Variants in BLK observed in about 807,000 individuals in gnomAD.
The protein encoded by BLK is tyrosine-protein kinase Blk.
Under a neutral mutation model 61.8 loss-of-function variants are expected in BLK, and 64 were observed. The observed-to-expected ratio is 1.03, with a 90% confidence interval of 0.85 to 1.27. BLK has a LOEUF of 1.27. Ranked by LOEUF, BLK falls within the 50% of genes most tolerant of loss-of-function variation. The probability of loss-of-function intolerance (pLI) is 0.00; values close to 1 mark genes in which losing one functional copy is unlikely to be tolerated. For synonymous variants in BLK, 351 were observed against 272.0 expected (o/e 1.29, Z -2.86); for missense variants, 853 against 660.5 (o/e 1.29, Z -3.19).
At chr8:11,521,460 C>A (rs1799443224) in intron 1 of BLK, among the ~76,000 whole-genome samples, 1 of 152,036 alleles carries the variant, frequency 6.6e-6, no homozygotes, top group Non-Finnish European at 1.5e-5. Flanking sequence ...CCAGCTAATT[C>A]TTCTAATTTT....
rs1345712441 is a variant in BLK, at chr8:11,494,445, C to T, written c.-148C>T. 1.3e-5 allele frequency: 2 copies of T among 152,260 alleles called. No individual in the cohort carries two copies. The highest frequency in any genetic ancestry group is 2.9e-5 in the Non-Finnish European group (2 of 68,092). The allele number at this position is 152,260 out of a possible 1,614,324, so 9.4% of individuals were successfully genotyped here. On this transcript the variant is annotated 5_prime_UTR_variant, in exon 1 of 13. Coordinates refer to ENST00000259089, the MANE Select transcript of BLK (RefSeq NM_001715.3). The stretch of plus-strand genomic sequence containing the variant: ...GGCAGAAAGCCACAAGCCATGAAAA[C>T]TGATTGAGATGAGAAGAATTCATCT...
intron 1 of BLK, among the ~76,000 whole-genome samples, chr8:11,512,153 A>G (rs1799035708): frequency 6.6e-6 from 1 of 152,232 alleles, no homozygotes; most frequent in Admixed American, 6.5e-5. Context: ...CGCAAGTTCT[A>G]TGCTACTGGT....
chr8:11,559,833 A>G (rs1298876201), intron 10 of BLK: 2 of 456,162 alleles, frequency 4.4e-6, no homozygotes, highest in South Asian at 3.1e-5. Flanking sequence ...TGTCATTTCT[A>G]TGAAGGTTTC....
chr8:11,510,496 T>G (rs1397407876), intron 1 of BLK, among the ~76,000 whole-genome samples: 1 of 152,148 alleles, frequency 6.6e-6, no homozygotes, highest in Non-Finnish European at 1.5e-5. Context: ...GTCCTGAAGC[T>G]GAGCACAAAA....
intron 1 of BLK, among the ~76,000 whole-genome samples, chr8:11,523,082 A>G (rs1168029829): frequency 6.6e-6 from 1 of 152,206 alleles, no homozygotes; most frequent in Admixed American, 6.5e-5. Context: ...TAAAATATTC[A>G]TAGCTAGTGG....
At chr8:11,528,878 A>G (rs767704614) in intron 1 of BLK, among the ~76,000 whole-genome samples, 7 of 152,174 alleles carry the variant, frequency 4.6e-5, no homozygotes, top group Admixed American at 6.5e-5. Context: ...TATGTTCTCA[A>G]TTATAAGTGG....
chr8:11,494,835 A>C (rs1798305847), intron 1 of BLK, among the ~76,000 whole-genome samples: 1 of 152,238 alleles, frequency 6.6e-6, no homozygotes, highest in African/African-American at 2.4e-5. Context: ...GCTTTTTGGA[A>C]AAGGCAGTGA....
chr8:11,526,716 C>T (rs1339919374), intron 1 of BLK, among the ~76,000 whole-genome samples: 1 of 152,034 alleles, frequency 6.6e-6, no homozygotes, highest in African/African-American at 2.4e-5. Flanking sequence ...AAGACTCTGT[C>T]TCAAAAAAAC....
intron 1 of BLK, among the ~76,000 whole-genome samples, chr8:11,511,647 C>T (rs1799011855): frequency 6.6e-6 from 1 of 152,154 alleles, no homozygotes; most frequent in South Asian, 2.1e-4. Flanking sequence ...CTAGGTTTCC[C>T]ACTTATTATT....
At chr8:11,544,201 G>A (rs1800515959) in intron 2 of BLK, among the ~76,000 whole-genome samples, 1 of 152,170 alleles carries the variant, frequency 6.6e-6, no homozygotes, top group African/African-American at 2.4e-5. Flanking sequence ...CTGACCTCAG[G>A]TGATCCACCT....
chr8:11,516,400 C>G (rs188190120), intron 1 of BLK, among the ~76,000 whole-genome samples: 69 of 152,350 alleles, frequency 4.5e-4, no homozygotes, highest in South Asian at 4.4e-3. Context: ...GCCCTTCCCC[C>G]TTGCGGTGCA....
chr8:11,543,213 G>C lies in BLK; in HGVS notation c.-1-11G>C, dbSNP rs1296998877. On this transcript the variant is annotated splice_polypyrimidine_tract_variant and intron_variant, in intron 1 of 12. Coordinates refer to ENST00000259089, the MANE Select transcript of BLK (RefSeq NM_001715.3). ...CTCTCATGTCCTCTGTCTGCTGTGT[G>C]TCTCCGACAGGATGGGGCTGGTAAG... is the stretch of plus-strand genomic sequence containing the variant. 6.2e-7 allele frequency: 1 copy of C among 1,613,758 alleles called. No homozygotes were observed. Among genetic ancestry groups the C allele is most frequent in the Admixed American group, 1.7e-5 (1 of 60,018 alleles).
chr8:11,556,440 C>A, intron 8 of BLK: 1 of 610,134 alleles, frequency 1.6e-6, no homozygotes, highest in Non-Finnish European at 2.9e-6. Context: ...GAAATGCCCC[C>A]CAGGCAGGGT....
In BLK at chr8:11,559,632, T is replaced by G. The variant is rs528002507; in HGVS notation, c.1029+1594T>G. On this transcript the variant is annotated intron_variant, in intron 10 of 12. Transcript: ENST00000259089. ...AGCCATGCAAAGTCTCGCCAGACCT[T>G]TCTTCCAAGGCCAGATCTGGCCAAC... is the stretch of plus-strand genomic sequence containing the variant. Among the ~76,000 whole-genome samples the G allele has an allele frequency of 3.6e-3, 548 of 152,240 alleles. 2 individuals are homozygous for G. Among genetic ancestry groups the G allele is most frequent in the African/African-American group, 0.013 (529 of 41,548 alleles).
chr8:11,518,500 C>T (rs1799313868), intron 1 of BLK, among the ~76,000 whole-genome samples: 1 of 152,070 alleles, frequency 6.6e-6, no homozygotes, highest in Non-Finnish European at 1.5e-5. Flanking sequence ...CTCTGAAGGT[C>T]ACTGTCACGC....
intron 1 of BLK, among the ~76,000 whole-genome samples, chr8:11,531,794 C>G (rs1429540044): frequency 2.0e-5 from 3 of 152,198 alleles, no homozygotes; most frequent in African/African-American, 4.8e-5. Flanking sequence ...TGCAGTGTCT[C>G]CAAGCCCTCT....
chr8:11,545,062 T>C (rs917072174), intron 2 of BLK, among the ~76,000 whole-genome samples: 4 of 152,262 alleles, frequency 2.6e-5, no homozygotes, highest in Non-Finnish European at 5.9e-5. Flanking sequence ...AGTTTCATTA[T>C]TCATGTTGTA....
At chr8:11,550,387 G>C (rs1800847316) in intron 6 of BLK, 125 bp downstream of exon 6, 2 of 899,624 alleles carry the variant, frequency 2.2e-6, no homozygotes, top group Non-Finnish European at 3.6e-6. Flanking sequence ...TTCCGGGCTT[G>C]TGTCCCTCCC....
At chr8:11,547,271 T>C (rs904891405) in intron 3 of BLK, among the ~76,000 whole-genome samples, 2 of 152,226 alleles carry the variant, frequency 1.3e-5, no homozygotes, top group Non-Finnish European at 2.9e-5. Context: ...GCTTTCCTGC[T>C]GAGAAGAGGT....
Sources: allele counts gnomAD v4.1 joint callset (sites outside exome capture counted in the v4.1 genomes callset), GRCh38; gene constraint gnomAD v4.1.1; transcripts MANE v1.5; gene names NCBI Gene and HGNC (gene_info 2026-07-23, HGNC 2026-07-21).